INTU: variants seen among roughly 807,000 people sequenced by gnomAD.
The protein encoded by INTU is protein inturned.
A neutral mutation model predicts 100.5 loss-of-function variants in INTU; 68 were observed. The observed-to-expected ratio is 0.68, with a 90% confidence interval of 0.56 to 0.83. The LOEUF is 0.83. Among genes scored for constraint, INTU ranks in the 40% least tolerant of loss-of-function variants. The probability of loss-of-function intolerance (pLI) is 0.00; values close to 1 mark genes in which losing one functional copy is unlikely to be tolerated. For missense variants in INTU, 1,071 were observed against 1,114.7 expected (o/e 0.96, Z 0.56); for synonymous variants, 357 against 395.7 (o/e 0.90, Z 1.16).
intron 1 of INTU, among the ~76,000 whole-genome samples, chr4:127,636,657 A>G (rs1727088252): frequency 6.6e-6 from 1 of 152,046 alleles, no homozygotes; most frequent in Non-Finnish European, 1.5e-5. Flanking sequence ...CCCTAACACA[A>G]AATATTTTGC....
intron 3 of INTU, among the ~76,000 whole-genome samples, chr4:127,663,043 C>G (rs1315766460): frequency 6.6e-6 from 1 of 152,136 alleles, no homozygotes; most frequent in Non-Finnish European, 1.5e-5. Flanking sequence ...TTTGCACTAT[C>G]AGATCATACT....
At chr4:127,685,360 C>T (rs1395517426) in intron 7 of INTU, 7 of 431,344 alleles carry the variant, frequency 1.6e-5, no homozygotes, top group Non-Finnish European at 2.3e-5. Flanking sequence ...AATCCAAAGG[C>T]AGTTTATACA....
Position 127,716,509 on chromosome 4 carries a change from C to A in INTU, c.*73C>A. ...TGTCAGAATTGCTGAAATCAATACACAAAGAGATAAAGTTTAGCTTCTTTT... is the reference window on the plus strand; with the variant it reads ...TGTCAGAATTGCTGAAATCAATACAAAAAGAGATAAAGTTTAGCTTCTTTT... On this transcript the variant is annotated 3_prime_UTR_variant, in exon 16 of 16. Coordinates refer to ENST00000335251, the MANE Select transcript of INTU (RefSeq NM_015693.4). 1 of 588,590 alleles carries A rather than the reference C, an allele frequency of 1.7e-6. No individual in the cohort carries two copies. Among genetic ancestry groups the A allele is most frequent in the Non-Finnish European group, 2.9e-6 (1 of 347,542 alleles). The allele number at this position is 588,590 out of a possible 1,614,324, so 36.5% of individuals were successfully genotyped here. A position where few individuals can be genotyped will look rare whatever the true frequency, so the allele number is the denominator to read the frequency against.
intron 6 of INTU, among the ~76,000 whole-genome samples, chr4:127,682,636 C>G (rs1263567395): frequency 2.0e-5 from 3 of 150,084 alleles, no homozygotes; most frequent in African/African-American, 7.4e-5. Flanking sequence ...AGGAGGTATA[C>G]CTAATGCTAA....
chr4:127,672,962 C>T (rs551706183), intron 5 of INTU, among the ~76,000 whole-genome samples: 88 of 152,188 alleles, frequency 5.8e-4, no homozygotes, highest in Non-Finnish European at 1.1e-3. Context: ...AGGTGTATAC[C>T]CTGAAACTAT....
chr4:127,686,595 A>G (rs1405152069), intron 7 of INTU: 2 of 152,188 alleles, frequency 1.3e-5, no homozygotes, highest in African/African-American at 4.8e-5. Flanking sequence ...TGACATTGGA[A>G]TATCAGCTCA....
intron 9 of INTU, among the ~76,000 whole-genome samples, chr4:127,701,411 A>G (rs1260689223): frequency 6.6e-6 from 1 of 152,186 alleles, no homozygotes; most frequent in African/African-American, 2.4e-5. Flanking sequence ...AAAAACCTCT[A>G]TGAGACAACG....
chr4:127,706,269 G>A (rs1484462252), intron 11 of INTU, among the ~76,000 whole-genome samples: 8 of 152,026 alleles, frequency 5.3e-5, no homozygotes, highest in African/African-American at 1.7e-4. Context: ...GTGGTTTGAT[G>A]GTATATCAAG....
rs1371992593 is a variant in INTU at position 127,663,485 on chromosome 4, GGGA to G, written c.875_877del (p.Gly292del). On this transcript the variant is annotated inframe_deletion, in exon 4 of 16. Coordinates refer to ENST00000335251, the MANE Select transcript of INTU (RefSeq NM_015693.4). ...CAAGTGATTTAGTCAAGCTTCTCTG[GGGA>G]GAAGAGGTTGAAGGTATCCAGCAGA... 7 of 1,612,580 alleles carry G rather than the reference GGGA, an allele frequency of 4.3e-6. No homozygotes were observed. Among genetic ancestry groups the G allele is most frequent in the Non-Finnish European group, 5.9e-6 (7 of 1,178,898 alleles).
At chr4:127,680,879 A>C (rs1226142421) in intron 6 of INTU, among the ~76,000 whole-genome samples, 1 of 152,086 alleles carries the variant, frequency 6.6e-6, no homozygotes, top group Non-Finnish European at 1.5e-5. Context: ...AAATCTCCTT[A>C]AGCTGATAAG....
intron 2 of INTU, among the ~76,000 whole-genome samples, chr4:127,646,372 GC>G (rs908348268): frequency 2.6e-5 from 4 of 151,996 alleles, no homozygotes; most frequent in African/African-American, 9.7e-5. Context: ...CATTTAACGT[GC>G]CCCCCTTTCA....
At chr4:127,681,985 CA>C (rs1729584357) in intron 6 of INTU, among the ~76,000 whole-genome samples, 1 of 151,456 alleles carries the variant, frequency 6.6e-6, no homozygotes, top group Non-Finnish European at 1.5e-5. Context: ...TTTATGCAGC[CA>C]AAAAACACAT....
chr4:127,661,868 T>C (rs1026624774), intron 3 of INTU, among the ~76,000 whole-genome samples: 2 of 152,156 alleles, frequency 1.3e-5, no homozygotes, highest in Non-Finnish European at 2.9e-5. Context: ...CTTCATACTG[T>C]TTTCCATAGA....
At chr4:127,636,179 G>A (rs1330503272) in intron 1 of INTU, among the ~76,000 whole-genome samples, 1 of 152,054 alleles carries the variant, frequency 6.6e-6, no homozygotes, top group Non-Finnish European at 1.5e-5. Context: ...TGAGGCGGGA[G>A]GATCACTTAA....
chr4:127,706,085 C>A (rs933846079), intron 11 of INTU, among the ~76,000 whole-genome samples: 1 of 152,080 alleles, frequency 6.6e-6, no homozygotes, highest in Non-Finnish European at 1.5e-5. Flanking sequence ...TTTTTAAAGT[C>A]TTTTGTTCCC....
intron 10 of INTU, among the ~76,000 whole-genome samples, chr4:127,704,898 T>C (rs887085454): frequency 4.0e-5 from 6 of 151,744 alleles, no homozygotes; most frequent in African/African-American, 1.5e-4. Context: ...GATCAGCCTG[T>C]CTAACATGGT....
intron 9 of INTU, among the ~76,000 whole-genome samples, chr4:127,702,989 A>T (rs2199138): frequency 0.029 from 4,486 of 152,260 alleles, 95 homozygotes; most frequent in Non-Finnish European, 0.047. Flanking sequence ...GTTCCCAACT[A>T]TTTGGTTCCT....
Position 127,714,011 on chromosome 4 carries a change from C to A in INTU, c.2635C>A (p.His879Asn). The change falls in exon 15 of 16, where the codon CAT becomes AAT. Residue 879 changes from histidine to asparagine, a missense_variant. His to Asn is a moderately conservative substitution (Grantham distance 68). Transcript: ENST00000335251. Reference sequence around the variant, plus strand: ...GTCTTCTCTTAACCCTGTTAAAGAACATGGTGTGTTGTTTGAATGTTCACC... The same window carrying A: ...GTCTTCTCTTAACCCTGTTAAAGAAAATGGTGTGTTGTTTGAATGTTCACC... ...SVSSLNPVKE[H>N]GVLFECSPGN... 1 of 1,613,334 alleles carries A rather than the reference C, an allele frequency of 6.2e-7. No individual in the cohort carries two copies. Among genetic ancestry groups the A allele is most frequent in the South Asian group, 1.1e-5 (1 of 91,046 alleles).
At chr4:127,650,426 A>C (rs1198639602) in intron 2 of INTU, among the ~76,000 whole-genome samples, 5 of 134,988 alleles carry the variant, frequency 3.7e-5, no homozygotes, top group African/African-American at 1.4e-4. Flanking sequence ...TCCTGTGTCC[A>C]TGTGATCTCA....
Sources: allele counts gnomAD v4.1 joint callset (sites outside exome capture counted in the v4.1 genomes callset), GRCh38; gene constraint gnomAD v4.1.1; transcripts MANE v1.5; gene names NCBI Gene and HGNC (gene_info 2026-07-23, HGNC 2026-07-21).